MYRIP: variants seen among roughly 807,000 people sequenced by gnomAD.
MYRIP encodes the protein rab effector MyRIP.
In MYRIP, 49 loss-of-function variants were observed where a neutral mutation model predicts 98.0. That is an observed-to-expected ratio of 0.50 (90% confidence interval 0.40 to 0.63). The LOEUF (loss-of-function observed/expected upper bound fraction) is 0.63, where lower values mean the gene tolerates loss of function less well. Ranked by LOEUF, MYRIP falls within the 30% of genes least tolerant of loss-of-function variation. MYRIP has a pLI of 0.00. For missense variants in MYRIP, 1,004 were observed against 1,058.2 expected (o/e 0.95, Z 0.71); for synonymous variants, 404 against 409.5 (o/e 0.99, Z 0.16).
At chr3:39,875,706 C>G (rs376973483) in intron 1 of MYRIP, among the ~76,000 whole-genome samples, 6 of 150,812 alleles carry the variant, frequency 4.0e-5, no homozygotes, top group Non-Finnish European at 7.4e-5. Flanking sequence ...GTCTGAGAGA[C>G]AGTTTGTTAT....
chr3:40,247,747 C>T (rs1182230349), intron 13 of MYRIP, among the ~76,000 whole-genome samples: 1 of 152,256 alleles, frequency 6.6e-6, no homozygotes. Context: ...TGGTCTCAAA[C>T]TCCTGACCTC....
At chr3:39,940,448 C>T (rs1435988289) in intron 2 of MYRIP, among the ~76,000 whole-genome samples, 1 of 151,952 alleles carries the variant, frequency 6.6e-6, no homozygotes, top group Non-Finnish European at 1.5e-5. Context: ...TCTTTTTGCT[C>T]TTAAGTAGCT....
chr3:40,057,293 A>T (rs1276469310), intron 3 of MYRIP, among the ~76,000 whole-genome samples: 7 of 152,152 alleles, frequency 4.6e-5, no homozygotes, highest in Admixed American at 4.6e-4. Context: ...TGTTCTTCAC[A>T]TTTTCCCTCA....
chr3:40,026,689 C>T (rs1947137933), intron 2 of MYRIP, among the ~76,000 whole-genome samples: 1 of 152,174 alleles, frequency 6.6e-6, no homozygotes, highest in Admixed American at 6.5e-5. Flanking sequence ...ATTCACTGTT[C>T]AGTCTGCAAC....
chr3:40,153,564 G>T (rs577751325), intron 4 of MYRIP, among the ~76,000 whole-genome samples: 4 of 152,270 alleles, frequency 2.6e-5, no homozygotes, highest in South Asian at 4.1e-4. Flanking sequence ...CTGAATTTTT[G>T]GAGGTGGGAT....
At chr3:39,943,152 A>C (rs149805515) in intron 2 of MYRIP, among the ~76,000 whole-genome samples, 11 of 152,268 alleles carry the variant, frequency 7.2e-5, no homozygotes, top group Non-Finnish European at 1.5e-4. Flanking sequence ...ATGATCTACA[A>C]ATTTTCTCTT....
At chr3:39,988,692 G>A (rs577677492) in intron 2 of MYRIP, among the ~76,000 whole-genome samples, 6 of 151,618 alleles carry the variant, frequency 4.0e-5, no homozygotes, top group East Asian at 1.9e-4. Context: ...CATATTTCTC[G>A]GAGGTTTTGC....
intron 1 of MYRIP, among the ~76,000 whole-genome samples, chr3:39,833,620 A>G (rs773829653): frequency 3.9e-5 from 6 of 152,210 alleles, no homozygotes; most frequent in Non-Finnish European, 7.3e-5. Flanking sequence ...GGGTACAAGT[A>G]GGCACTTAAA....
intron 1 of MYRIP, among the ~76,000 whole-genome samples, chr3:39,871,444 A>G (rs972478045): frequency 2.6e-5 from 4 of 152,146 alleles, no homozygotes; most frequent in African/African-American, 9.7e-5. Context: ...CTTATAATCA[A>G]TCTTTGAACA....
chr3:40,168,763 A>C (rs977803460), intron 7 of MYRIP, among the ~76,000 whole-genome samples: 12 of 152,208 alleles, frequency 7.9e-5, no homozygotes, highest in Non-Finnish European at 1.3e-4. Context: ...GCTTATGGTT[A>C]CTGACTCCCC....
rs891195243 is a variant in MYRIP at position 40,126,627 on chromosome 3, C to T, written c.333-24421C>T. Among the ~76,000 whole-genome samples the T allele has an allele frequency of 3.3e-5, 5 of 152,176 alleles. No individual in the cohort carries two copies. In the East Asian group the frequency reaches 9.6e-4, roughly 29 times the overall value. On this transcript the variant is annotated intron_variant, in intron 3 of 16. Transcript: ENST00000302541. Reference sequence around the variant, plus strand: ...ATTTGTATCTGAGGAAATAAAATTTCTGAAAGGTTAAATACATAACCTACA... The same window carrying T: ...ATTTGTATCTGAGGAAATAAAATTTTTGAAAGGTTAAATACATAACCTACA...
At chr3:40,155,169 G>A (rs998346185) in intron 4 of MYRIP, among the ~76,000 whole-genome samples, 23 of 123,646 alleles carry the variant, frequency 1.9e-4, no homozygotes, top group Non-Finnish European at 3.3e-4. Flanking sequence ...AGTCCCCAGA[G>A]TGTGATGTTC....
chr3:39,893,255 G>A (rs1217586799), intron 1 of MYRIP, among the ~76,000 whole-genome samples: 3 of 152,040 alleles, frequency 2.0e-5, no homozygotes, highest in African/African-American at 4.8e-5. Context: ...CTCATCCCCA[G>A]GTTTTTTGGA....
intron 3 of MYRIP, among the ~76,000 whole-genome samples, chr3:40,064,139 G>A (rs2125851742): frequency 6.6e-6 from 1 of 152,124 alleles, no homozygotes; most frequent in Admixed American, 6.6e-5. Context: ...TCTTGATTAG[G>A]TGTCAACATT....
intron 3 of MYRIP, among the ~76,000 whole-genome samples, 200 bp downstream of exon 3, chr3:40,044,471 G>A (rs1947625681): frequency 6.6e-6 from 1 of 152,352 alleles, no homozygotes; most frequent in African/African-American, 2.4e-5. Flanking sequence ...GGCCCCCCAG[G>A]AGCACCTGGG....
At chr3:40,229,851 C>G (rs1412721274) in intron 11 of MYRIP, among the ~76,000 whole-genome samples, 1 of 152,176 alleles carries the variant, frequency 6.6e-6, no homozygotes, top group Non-Finnish European at 1.5e-5. Flanking sequence ...ATGGCTGCCT[C>G]AGAGCACAGA....
At chr3:39,895,916 GGTGTGT>G (rs10577583) in intron 1 of MYRIP, among the ~76,000 whole-genome samples, 15 of 150,030 alleles carry the variant, frequency 1.0e-4, no homozygotes, top group East Asian at 2.0e-4. Context: ...GTGTGTGTGT[GGTGTGT>G]GTGTGTGTGT....
Position 40,258,318 on chromosome 3 carries a change from C to T in MYRIP, c.*152C>T. The T allele has an allele frequency of 1.2e-6, 1 of 826,046 alleles. No homozygotes were observed. The highest frequency in any genetic ancestry group is 2.0e-6 in the Non-Finnish European group (1 of 506,446). The allele number at this position is 826,046 out of a possible 1,614,324, so 51.2% of individuals were successfully genotyped here. A position where few individuals can be genotyped will look rare whatever the true frequency, so the allele number is the denominator to read the frequency against. On this transcript the variant is annotated 3_prime_UTR_variant, in exon 17 of 17. Coordinates refer to ENST00000302541, the MANE Select transcript of MYRIP (RefSeq NM_015460.4). ...CCATTGCACAGGGCTGTCCTGATAC[C>T]TCATCCAGAAAGCCGTCTCAGACTT...
chr3:39,825,256 T>C (rs1252931973), intron 1 of MYRIP, among the ~76,000 whole-genome samples: 1 of 152,186 alleles, frequency 6.6e-6, no homozygotes, highest in Admixed American at 6.5e-5. Flanking sequence ...ATAGTGGACA[T>C]CCTCGTCTTG....
Sources: gnomAD v4.1 joint callset for allele counts (sites outside exome capture counted in the v4.1 genomes callset) on GRCh38, gnomAD v4.1.1 for gene constraint, MANE v1.5 for transcripts, NCBI Gene and HGNC (gene_info 2026-07-23, HGNC 2026-07-21) for gene names.